Variants in B3GALT1 observed in about 807,000 individuals in gnomAD.
B3GALT1 encodes UDP-Gal:betaGlcNAc beta 1,3-galactosyltransferase, polypeptide 1.
A neutral mutation model predicts 23.2 loss-of-function variants in B3GALT1; 10 were observed. The ratio of observed to expected loss-of-function variants is 0.43; its 90% CI spans 0.27 to 0.73. The LOEUF (loss-of-function observed/expected upper bound fraction) is 0.73. Among genes scored for constraint, B3GALT1 ranks in the 30% least tolerant of loss-of-function variants. The probability of loss-of-function intolerance (pLI) is 0.21; values close to 1 mark genes in which losing one functional copy is unlikely to be tolerated. For missense variants in B3GALT1, 299 were observed against 405.4 expected (o/e 0.74, Z 2.25); for synonymous variants, 156 against 141.5 (o/e 1.10, Z -0.73).
At chr2:167,714,807 T>C (rs1380303432) in intron 3 of B3GALT1, 4 of 1,612,368 alleles carry the variant, frequency 2.5e-6, no homozygotes, top group Non-Finnish European at 3.4e-6. Context: ...TGGCTGATCT[T>C]TTCTTCCACT....
intron 1 of B3GALT1, among the ~76,000 whole-genome samples, chr2:167,473,295 C>T (rs367988633): frequency 2.0e-5 from 3 of 152,092 alleles, no homozygotes; most frequent in African/African-American, 7.2e-5. Context: ...ACAAGGGTTA[C>T]TTAAGAATGT....
At chr2:167,551,483 A>G (rs1431792996) in intron 2 of B3GALT1, among the ~76,000 whole-genome samples, 1 of 152,166 alleles carries the variant, frequency 6.6e-6, no homozygotes, top group African/African-American at 2.4e-5. Context: ...TCTTCATGGA[A>G]CTAATGAGAC....
Position 167,672,920 on chromosome 2 carries a change from GCC to G in B3GALT1, c.-352+25955_-352+25956del, listed in dbSNP as rs1686358130. On this transcript the variant is annotated intron_variant, in intron 3 of 4. Coordinates refer to ENST00000392690, the MANE Select transcript of B3GALT1 (RefSeq NM_020981.4). ...AATTATTCTTCAGACCTCATTGAAG[GCC>G]TGTAAAACACCAGTAGATTCTACTG... is the stretch of plus-strand genomic sequence containing the variant. Among the ~76,000 whole-genome samples, 14 of 151,590 alleles carry G rather than the reference GCC, an allele frequency of 9.2e-5. No homozygotes were observed. In the South Asian group the frequency reaches 2.7e-3, roughly 29 times the overall value.
At chr2:167,798,398 T>C (rs1490766793) in intron 3 of B3GALT1, among the ~76,000 whole-genome samples, 3 of 152,210 alleles carry the variant, frequency 2.0e-5, no homozygotes, top group African/African-American at 7.2e-5. Context: ...GGCTTTCTTC[T>C]AGGGTTTTTA....
chr2:167,475,346 A>AAC (rs1482834835), intron 1 of B3GALT1, among the ~76,000 whole-genome samples: 1 of 152,182 alleles, frequency 6.6e-6, no homozygotes, highest in East Asian at 1.9e-4. Context: ...GTGTTCAAGT[A>AAC]ACATTTATTT....
At position 167,554,739 on chromosome 2, in the gene B3GALT1, TA is replaced by T. The variant is rs1281980217; in HGVS notation, c.-410+64463del. On this transcript the variant is annotated intron_variant, in intron 2 of 4. Coordinates refer to ENST00000392690, the MANE Select transcript of B3GALT1 (RefSeq NM_020981.4). ...ATTTGCCTGAAGATTATTTTAAGCC[TA>T]TCCAAAATTTAAGACTAAATTGCTA... Among the ~76,000 whole-genome samples, 11 of 152,346 alleles carry T rather than the reference TA, an allele frequency of 7.2e-5. No individual in the cohort carries two copies. The East Asian group carries it at 1.2e-3, about 16-fold the overall frequency.
intron 3 of B3GALT1, among the ~76,000 whole-genome samples, chr2:167,772,311 C>T (rs1304724231): frequency 1.3e-5 from 2 of 152,154 alleles, no homozygotes; most frequent in Non-Finnish European, 2.9e-5. Context: ...TAAGTGCATG[C>T]TCAATGCCAG....
intron 1 of B3GALT1, among the ~76,000 whole-genome samples, chr2:167,302,791 T>C (rs1238110633): frequency 2.6e-5 from 4 of 152,172 alleles, no homozygotes; most frequent in Non-Finnish European, 4.4e-5. Context: ...AAAGATTCTG[T>C]TAAATATGAT....
intron 2 of B3GALT1, among the ~76,000 whole-genome samples, chr2:167,618,032 C>T (rs1340804560): frequency 6.6e-6 from 1 of 151,994 alleles, no homozygotes; most frequent in African/African-American, 2.4e-5. Flanking sequence ...TAAGTGGAAA[C>T]CTGTCATATT....
At chr2:167,799,505 C>T (rs749813871) in intron 3 of B3GALT1, among the ~76,000 whole-genome samples, 1 of 152,092 alleles carries the variant, frequency 6.6e-6, no homozygotes, top group Non-Finnish European at 1.5e-5. Flanking sequence ...TGAAATATAC[C>T]AAAATCAACT....
intron 2 of B3GALT1, among the ~76,000 whole-genome samples, chr2:167,643,981 T>C (rs1321415895): frequency 6.6e-6 from 1 of 152,174 alleles, no homozygotes; most frequent in Non-Finnish European, 1.5e-5. Context: ...TCAATGTCTG[T>C]AAATTGGGTG....
chr2:167,597,117 G>T (rs376057058), intron 2 of B3GALT1, among the ~76,000 whole-genome samples: 2,169 of 131,362 alleles, frequency 0.017, 49 homozygotes, highest in African/African-American at 0.053. Context: ...TTTTGTTTTT[G>T]TTTTTTTTTT....
At chr2:167,640,796 G>A (rs991257660) in intron 2 of B3GALT1, among the ~76,000 whole-genome samples, 6 of 152,206 alleles carry the variant, frequency 3.9e-5, no homozygotes, top group African/African-American at 1.2e-4. Flanking sequence ...CTGACTCATG[G>A]TGCTCATTTC....
At chr2:167,536,875 T>C (rs1683438378) in intron 2 of B3GALT1, among the ~76,000 whole-genome samples, 1 of 152,046 alleles carries the variant, frequency 6.6e-6, no homozygotes, top group Admixed American at 6.6e-5. Context: ...AGAAGAAAAT[T>C]AAAATTGTAG....
At chr2:167,741,675 T>A (rs867903433) in intron 3 of B3GALT1, among the ~76,000 whole-genome samples, 6 of 152,162 alleles carry the variant, frequency 3.9e-5, no homozygotes, top group African/African-American at 1.4e-4. Context: ...GTAACCACAA[T>A]GGTTGTTAAA....
At chr2:167,655,229 C>T (rs1685938116) in intron 3 of B3GALT1, among the ~76,000 whole-genome samples, 1 of 152,110 alleles carries the variant, frequency 6.6e-6, no homozygotes, top group African/African-American at 2.4e-5. Flanking sequence ...ACAAGACTGC[C>T]TATCTCTGTA....
intron 3 of B3GALT1, among the ~76,000 whole-genome samples, chr2:167,812,960 T>TACACAC (rs376818432): frequency 0.036 from 4,981 of 140,054 alleles, 120 homozygotes; most frequent in South Asian, 0.089. Flanking sequence ...CATACATGCA[T>TACACAC]ACACACACAC....
intron 1 of B3GALT1, among the ~76,000 whole-genome samples, chr2:167,402,831 A>G (rs1698214249): frequency 6.6e-6 from 1 of 152,168 alleles, no homozygotes; most frequent in African/African-American, 2.4e-5. Flanking sequence ...TTTCCATGGC[A>G]TTAAATTTTG....
chr2:167,709,913 A>G (rs1438150139), intron 3 of B3GALT1, among the ~76,000 whole-genome samples: 4 of 152,198 alleles, frequency 2.6e-5, no homozygotes, highest in African/African-American at 9.6e-5. Context: ...AAAATCACTT[A>G]TCACAACACA....
Sources: allele counts gnomAD v4.1 joint callset (sites outside exome capture counted in the v4.1 genomes callset), GRCh38; gene constraint gnomAD v4.1.1; transcripts MANE v1.5; gene names NCBI Gene and HGNC (gene_info 2026-07-23, HGNC 2026-07-21).